ACHE: variants seen among roughly 807,000 people sequenced by gnomAD.
ACHE encodes the protein acetylcholinesterase (Yt blood group).
Under a neutral mutation model 53.9 loss-of-function variants are expected in ACHE, and 19 were observed. That is an observed-to-expected ratio of 0.35 (90% confidence interval 0.25 to 0.52). The LOEUF is 0.52. ACHE is among the 20% of genes least tolerant of loss of function. The pLI is 0.95. For synonymous variants in ACHE, 392 were observed against 378.1 expected, an observed-to-expected ratio of 1.04 and a Z score of -0.43; for missense variants, 605 against 849.4, an observed-to-expected ratio of 0.71 and a Z score of 3.58.
Position 100,893,842 on chromosome 7 carries a change from T to A in ACHE, c.391A>T (p.Asn131Tyr). 1 of 1,611,336 alleles carries A rather than the reference T, an allele frequency of 6.2e-7. No homozygotes were observed. Among genetic ancestry groups the A allele is most frequent in the East Asian group, 2.2e-5 (1 of 44,816 alleles). Residue 131 changes from asparagine (N) to tyrosine (Y), a missense_variant, in exon 2 of 5, where the codon AAC (asparagine) becomes TAC (tyrosine). Asn to Tyr is a moderately radical substitution (Grantham distance 143). Around this residue, in one of 4 missense-constraint regions of ACHE, gnomAD observed 397 missense variants for 632.5 expected, o/e 0.63. Transcript: ENST00000241069. ...RELSEDCLYL[N>Y]VWTPYPRPTS... ...GGCCGGGGGTATGGTGTCCACACGT[T>A]GAGGTACAGGCAGTCCTCGCTCAGC...
intron 1 of ACHE, among the ~76,000 whole-genome samples, chr7:100,895,367 G>A (rs1411383610): frequency 2.0e-5 from 3 of 152,164 alleles, no homozygotes; most frequent in East Asian, 1.9e-4. Context: ...GAGTCTCCGC[G>A]GGAGGGGGCG....
rs1790567320 is a variant in ACHE, at chr7:100,890,055, C to G, written c.*159G>C. ...AGGCACCGCGGGGGAGGGAGCTCAG[C>G]CTGAGACATGCAGAGGACCGGGAGC... On this transcript the variant is annotated 3_prime_UTR_variant, in exon 5 of 5. Transcript: ENST00000241069. 1 of 860,412 alleles carries G rather than the reference C, an allele frequency of 1.2e-6. No homozygotes were observed. Among genetic ancestry groups the G allele is most frequent in the Admixed American group, 2.8e-5 (1 of 36,022 alleles). The allele number at this position is 860,412 out of a possible 1,614,324, so 53.3% of individuals were successfully genotyped here.
In ACHE at chr7:100,894,152, T is replaced by C; in HGVS notation, c.81A>G (p.Gly27=). Residue 27 remains glycine (G), a synonymous_variant, in exon 2 of 5, where the codon GGA becomes GGG. Transcript: ENST00000241069. The part of the protein sequence containing the change: ...LLLLLLWLLG[G]GVGAEGREDA... ...CCTCCCGGCCCTCAGCCCCCACTCC[T>C]CCACCCAGGAGCCAGAGGAGGAGGA... 6.7e-7 allele frequency: 1 copy of C among 1,485,054 alleles called. No homozygotes were observed. The allele number at this position is 1,485,054 out of a possible 1,614,324, so 92.0% of individuals were successfully genotyped here.
rs41281001 is a variant in ACHE, at chr7:100,892,701, C to A, written c.1186G>T (p.Val396Phe). 9 of 1,613,620 alleles carry A rather than the reference C, an allele frequency of 5.6e-6. No individual in the cohort carries two copies. Among genetic ancestry groups the A allele is most frequent in the Non-Finnish European group, 5.1e-6 (6 of 1,179,982 alleles). ...AGGTCACTTACCTGGGGAACCCCGA[C>A]CCGCACCCCGGCCAGGAACTCGGCC... ...SRAEFLAGVR[V>F]GVPQVSDLAA... The change falls in exon 3 of 5, where the codon GTC becomes TTC. Residue 396 changes from valine to phenylalanine, a missense_variant. Val to Phe is a conservative substitution (Grantham distance 50). This residue lies in a region of ACHE where 397 missense variants were observed against 632.5 expected (regional missense o/e 0.63). Transcript: ENST00000241069. This position sits in a 1 kb window ranked among gnomAD's most constrained non-coding sequence, Gnocchi z 5.2.
At position 100,895,815 on chromosome 7, in the gene ACHE, GC is replaced by G. The variant is rs902752252; in HGVS notation, c.-35del. 1.1e-4 allele frequency: 16 copies of G among 151,968 alleles called. No homozygotes were observed. Among genetic ancestry groups the G allele is most frequent in the African/African-American group, 3.9e-4 (16 of 41,384 alleles). The allele number at this position is 151,968 out of a possible 1,614,324, so 9.4% of individuals were successfully genotyped here. On this transcript the variant is annotated 5_prime_UTR_variant, in exon 1 of 5. Coordinates refer to ENST00000241069, the MANE Select transcript of ACHE (RefSeq NM_000665.5). The stretch of plus-strand genomic sequence containing the variant: ...AGGGAGACTCACCTGAGGCGGCCGA[GC>G]CGGGCCGGGCCGGGCCGCGCCGGGA...
Position 100,891,309 on chromosome 7 carries a change from G to T in ACHE, c.1583C>A (p.Ala528Asp). Residue 528 changes from alanine to aspartate, a missense_variant, in exon 4 of 5, where the codon GCC (alanine) becomes GAC (aspartate). This residue lies in a region of ACHE where 91 missense variants were observed against 83.2 expected (regional missense o/e 1.09). Coordinates refer to ENST00000241069, the MANE Select transcript of ACHE (RefSeq NM_000665.5). ...GDPNEPRDPK[A>D]PQWPPYTAGA... ...CGCCGTGTACGGGGGCCATTGTGGG[G>T]CCTTGGGGTCTCGGGGCTCATTGGG... is the stretch of plus-strand genomic sequence containing the variant. The T allele has an allele frequency of 1.3e-6, 2 of 1,580,584 alleles. No individual in the cohort carries two copies. The highest frequency in any genetic ancestry group is 1.1e-5 in the South Asian group (1 of 89,384).
At chr7:100,890,761 A>T in intron 4 of ACHE, 2 of 1,340,744 alleles carry the variant, frequency 1.5e-6, no homozygotes, top group Non-Finnish European at 1.9e-6. Context: ...TTCCATTTCC[A>T]TTCAAACAAC....
chr7:100,890,708 G>C, intron 4 of ACHE: 1 of 1,329,712 alleles, frequency 7.5e-7, no homozygotes, highest in Non-Finnish European at 9.6e-7. Context: ...CCCAATGTCA[G>C]GCTCAGGTTC....
chr7:100,891,783 CTTTTTTTTTTT>C (rs71902456), intron 3 of ACHE, among the ~76,000 whole-genome samples: 3 of 103,468 alleles, frequency 2.9e-5, no homozygotes, highest in Non-Finnish European at 3.8e-5. Context: ...CTTGGTCTCC[CTTTTTTTTTTT>C]TTTTTTTTTT....
chr7:100,896,621 T>C, upstream of ACHE: 1 of 270,686 alleles, frequency 3.7e-6, no homozygotes. Context: ...GCGGCGGCAG[T>C]GGAAACTTCT....
At position 100,894,131 on chromosome 7, in the gene ACHE, C is replaced by T. The variant is rs1027731525; in HGVS notation, c.102G>A (p.Arg34=). 1.2e-5 allele frequency: 18 copies of T among 1,491,928 alleles called. No individual in the cohort carries two copies. Among genetic ancestry groups the T allele is most frequent in the Non-Finnish European group, 1.6e-5 (18 of 1,125,730 alleles). 92.4% of individuals were successfully genotyped at this position (1,491,928 alleles called of 1,614,324 possible). The change falls in exon 2 of 5, where the codon CGG becomes CGA. Residue 34 remains arginine (R), a synonymous_variant. Transcript: ENST00000241069. The stretch of plus-strand genomic sequence containing the variant: ...CCGTCACCAGCAGCTCTGCATCCTC[C>T]CGGCCCTCAGCCCCCACTCCTCCAC... ...LLGGGVGAEG[R]EDAELLVTVR...
chr7:100,891,130 T>TC lies in ACHE; in HGVS notation c.1723+38dup, dbSNP rs776614164. On this transcript the variant is annotated intron_variant, in intron 4 of 4. Coordinates refer to ENST00000241069, the MANE Select transcript of ACHE (RefSeq NM_000665.5). Reference sequence around the variant, plus strand: ...GGGGTTACACCTGGCGGGCTCCCACTCCCCTCCTCCCAGCCGCTGCCCGCT... The same window carrying TC: ...GGGGTTACACCTGGCGGGCTCCCACTCCCCCTCCTCCCAGCCGCTGCCCGCT... 1.8e-5 allele frequency: 29 copies of TC among 1,568,862 alleles called. No individual in the cohort carries two copies. The African/African-American group carries it at 3.5e-4, about 19-fold the overall frequency.
At position 100,894,069 on chromosome 7, in the gene ACHE, G is replaced by T. The variant is rs780709244; in HGVS notation, c.164C>A (p.Thr55Asn). Residue 55 changes from threonine to asparagine, a missense_variant, in exon 2 of 5, where the codon ACC becomes AAC. Physicochemically the swap from Thr to Asn is moderately conservative, Grantham distance 65. Transcript: ENST00000241069. The part of the protein sequence containing the change: ...GGRLRGIRLK[T>N]PGGPVSAFLG... ...GAAAGCAGAGACAGGGCCCCCGGGG[G>T]TCTTCAGGCGAATGCCCCGCAGCCG... The T allele has an allele frequency of 8.3e-6, 13 of 1,557,592 alleles. No homozygotes were observed.
intron 4 of ACHE, chr7:100,890,841 T>C: frequency 7.0e-7 from 1 of 1,423,916 alleles, no homozygotes; most frequent in Non-Finnish European, 9.2e-7. Context: ...AGTGTGAGTC[T>C]CTCGGTTTGA....
At chr7:100,890,533 G>T in intron 4 of ACHE, 198 bp from the exon 5 acceptor site, 1 of 1,419,848 alleles carries the variant, frequency 7.0e-7, no homozygotes, top group South Asian at 1.5e-5. Context: ...CAGAGGCGGG[G>T]CCGGAGAAGG....
At position 100,893,444 on chromosome 7, in the gene ACHE, G is replaced by A. The variant is rs1254850083; in HGVS notation, c.789C>T (p.Pro263=). Residue 263 remains proline (P), a synonymous_variant, in exon 2 of 5, where the codon CCC becomes CCT. Coordinates refer to ENST00000241069, the MANE Select transcript of ACHE (RefSeq NM_000665.5). Reference sequence around the variant, plus strand: ...TGCCCACCGTGGCCCAGGGTCCATTGGGGGCACCGCTCTGCAGCACGGCCC... The same window carrying A: ...TGCCCACCGTGGCCCAGGGTCCATTAGGGGCACCGCTCTGCAGCACGGCCC... ...FHRAVLQSGA[P]NGPWATVGMG... is the part of the protein sequence containing the mutation. 1 of 1,608,354 alleles carries A rather than the reference G, an allele frequency of 6.2e-7. No homozygotes were observed. The highest frequency in any genetic ancestry group is 1.7e-5 in the Admixed American group (1 of 59,952).
Position 100,890,035 on chromosome 7 carries a change from C to G in ACHE, c.*179G>C. ...TTGGCAGCCCAGAGGGGCGAAGGCA[C>G]CGCGGGGGAGGGAGCTCAGCCTGAG... On this transcript the variant is annotated 3_prime_UTR_variant, in exon 5 of 5. Transcript: ENST00000241069. 1.4e-6 allele frequency: 1 copy of G among 702,508 alleles called. No individual in the cohort carries two copies. The highest frequency in any genetic ancestry group is 2.9e-5 in the East Asian group (1 of 34,840). 43.5% of individuals were successfully genotyped at this position (702,508 alleles called of 1,614,324 possible).
upstream of ACHE, chr7:100,896,352 A>T (rs1180644296): frequency 6.5e-6 from 1 of 154,364 alleles, no homozygotes; most frequent in Non-Finnish European, 1.4e-5. Flanking sequence ...GCATGGGAGG[A>T]GAGGCATGTG....
chr7:100,894,197 G>A lies in ACHE; in HGVS notation c.36C>T (p.Ser12=). ...GGAGGAGAAGGAGTGGGGAAGCCAG[G>A]GAAGGCGTGTGCAGCAGACACTGCG... ...RPPQCLLHTP[S]LASPLLLLLL... Residue 12 remains serine, a synonymous_variant, in exon 2 of 5, where the codon TCC becomes TCT. Transcript: ENST00000241069. 2 of 1,474,978 alleles carry A rather than the reference G, an allele frequency of 1.4e-6. No homozygotes were observed. The highest frequency in any genetic ancestry group is 1.8e-6 in the Non-Finnish European group (2 of 1,119,762). 91.4% of individuals were successfully genotyped at this position (1,474,978 alleles called of 1,614,324 possible). A position where few individuals can be genotyped will look rare whatever the true frequency, so the allele number is the denominator to read the frequency against.
Sources: allele counts gnomAD v4.1 joint callset (sites outside exome capture counted in the v4.1 genomes callset), GRCh38; gene constraint gnomAD v4.1.1; regional missense constraint gnomAD v4.1.1; non-coding constraint Gnocchi (gnomAD v3.1); transcripts MANE v1.5; gene names NCBI Gene and HGNC (gene_info 2026-07-23, HGNC 2026-07-21).